Variants in PISD observed in about 807,000 individuals in gnomAD.
PISD encodes the protein phosphatidylserine decarboxylase, also known as phosphatidylserine decarboxylase proenzyme, mitochondrial.
Under a neutral mutation model 43.5 loss-of-function variants are expected in PISD, and 31 were observed. That is an observed-to-expected ratio of 0.71 (90% CI 0.54 to 0.96). The LOEUF (loss-of-function observed/expected upper bound fraction) is 0.96. Ranked by LOEUF, PISD falls within the 40% of genes least tolerant of loss-of-function variation. The probability of loss-of-function intolerance (pLI) is 0.00; values close to 1 mark genes in which losing one functional copy is unlikely to be tolerated. For synonymous variants in PISD, 259 were observed against 228.7 expected (o/e 1.13, Z -1.20); for missense variants, 523 against 548.4 (o/e 0.95, Z 0.46).
At chr22:31,639,513 C>T (rs1227971174) in intron 3 of PISD, among the ~76,000 whole-genome samples, 1 of 152,174 alleles carries the variant, frequency 6.6e-6, no homozygotes, top group Non-Finnish European at 1.5e-5. Context: ...CAGGCATGAG[C>T]CACCATGCCT....
At chr22:31,654,258 A>AT (rs1265211203) in intron 1 of PISD, among the ~76,000 whole-genome samples, 1 of 151,928 alleles carries the variant, frequency 6.6e-6, no homozygotes, top group African/African-American at 2.4e-5. Context: ...TGGGACCGTG[A>AT]TTTTTTTCCT....
intron 1 of PISD, among the ~76,000 whole-genome samples, chr22:31,652,350 C>A (rs894965312): frequency 4.0e-5 from 6 of 151,656 alleles, no homozygotes; most frequent in African/African-American, 1.2e-4. Flanking sequence ...AGGCTGGCCT[C>A]AAACTCCTGA....
intron 3 of PISD, among the ~76,000 whole-genome samples, chr22:31,643,655 A>T (rs951303099): frequency 1.1e-4 from 17 of 152,230 alleles, no homozygotes; most frequent in African/African-American, 3.4e-4. Flanking sequence ...CATGCCTGTA[A>T]TTCTAGCACT....
chr22:31,659,308 A>G (rs188432384), intron 1 of PISD, among the ~76,000 whole-genome samples: 1 of 152,318 alleles, frequency 6.6e-6, no homozygotes, highest in African/African-American at 2.4e-5. Flanking sequence ...ACAAGTATAT[A>G]GTAAAGTTCC....
intron 3 of PISD, chr22:31,629,136 C>A (rs922762366): frequency 1.2e-5 from 12 of 985,302 alleles, no homozygotes; most frequent in Non-Finnish European, 1.4e-5. Context: ...ACCTGCCCCC[C>A]CAGTGGAATG....
intron 3 of PISD, among the ~76,000 whole-genome samples, chr22:31,645,538 C>CTTT (rs1198668208): frequency 1.4e-5 from 2 of 138,914 alleles, no homozygotes; most frequent in Non-Finnish European, 3.1e-5. Context: ...AACCCTGTCT[C>CTTT]TTTTTTTTTT....
At chr22:31,659,898 G>A (rs1002946627) in intron 1 of PISD, among the ~76,000 whole-genome samples, 1 of 151,830 alleles carries the variant, frequency 6.6e-6, no homozygotes, top group Non-Finnish European at 1.5e-5. Context: ...TTTTTAATCA[G>A]CCAGCCTCCC....
At chr22:31,633,679 C>A (rs1478185386) in intron 3 of PISD, among the ~76,000 whole-genome samples, 11 of 152,140 alleles carry the variant, frequency 7.2e-5, no homozygotes, top group Non-Finnish European at 1.5e-5. Flanking sequence ...CGTACCATAG[C>A]ACTCCAGCCT....
At chr22:31,621,913 T>A (rs763902762) in intron 3 of PISD, 28 bp from the exon 4 acceptor site, 1 of 1,525,828 alleles carries the variant, frequency 6.6e-7, no homozygotes, top group African/African-American at 1.4e-5. Context: ...AGGGGCTGAG[T>A]TGACCACACT....
At chr22:31,628,002 C>A in intron 3 of PISD, 1 of 984,998 alleles carries the variant, frequency 1.0e-6, no homozygotes, top group Non-Finnish European at 1.2e-6. Flanking sequence ...GGGCACCGCA[C>A]CTGCCAGTGA....
chr22:31,659,052 C>A (rs2074252541), intron 1 of PISD, among the ~76,000 whole-genome samples: 1 of 152,040 alleles, frequency 6.6e-6, no homozygotes, highest in South Asian at 2.1e-4. Context: ...TGGGTTTTTG[C>A]CATGTTGCCC....
In PISD at chr22:31,639,489, A is replaced by G. The variant is rs527356346; in HGVS notation, c.321+8612T>C. Among the ~76,000 whole-genome samples, 8 of 152,198 alleles carry G rather than the reference A, an allele frequency of 5.3e-5. No individual in the cohort carries two copies. The South Asian group carries it at 1.5e-3, about 28-fold the overall frequency. On this transcript the variant is annotated intron_variant, in intron 3 of 7. Coordinates refer to ENST00000439502, the MANE Select transcript of PISD (RefSeq NM_001326411.2). ...GCAATCTTCCCACCTCAGCCTCCCA[A>G]AGTGTTGGGATCACAGGCATGAGCC... is the stretch of plus-strand genomic sequence containing the variant.
intron 3 of PISD, among the ~76,000 whole-genome samples, chr22:31,642,008 C>T (rs1019329130): frequency 2.0e-5 from 3 of 151,064 alleles, no homozygotes; most frequent in Non-Finnish European, 4.4e-5. Flanking sequence ...CAATCCTACA[C>T]GTAGGCTTTC....
chr22:31,634,826 CT>C (rs1186818683), intron 3 of PISD, among the ~76,000 whole-genome samples: 6 of 102,712 alleles, frequency 5.8e-5, no homozygotes, highest in Admixed American at 2.6e-4. Flanking sequence ...CAGAGCAAGA[CT>C]CCATCTCAAA....
At chr22:31,635,204 T>C (rs2073389710) in intron 3 of PISD, among the ~76,000 whole-genome samples, 1 of 142,188 alleles carries the variant, frequency 7.0e-6, no homozygotes, top group African/African-American at 2.6e-5. Flanking sequence ...TGCTTTTAGG[T>C]AGAGCCTCCT....
chr22:31,633,893 G>T (rs889207275), intron 3 of PISD, among the ~76,000 whole-genome samples: 2 of 152,182 alleles, frequency 1.3e-5, no homozygotes, highest in African/African-American at 4.8e-5. Context: ...AAAAAAAATT[G>T]TCTGGAAATT....
chr22:31,631,145 T>G (rs982549255), intron 3 of PISD, among the ~76,000 whole-genome samples: 2 of 152,166 alleles, frequency 1.3e-5, no homozygotes, highest in Non-Finnish European at 1.5e-5. Flanking sequence ...CTGTCTGTCC[T>G]CAGTCTGTCC....
intron 3 of PISD, among the ~76,000 whole-genome samples, chr22:31,638,042 C>T (rs1227639543): frequency 1.3e-5 from 2 of 152,252 alleles, no homozygotes; most frequent in East Asian, 3.9e-4. Context: ...TCCCCTCGGG[C>T]CAGGCCCTCT....
chr22:31,630,866 T>C lies in PISD; in HGVS notation c.322-8981A>G. 1.0e-6 allele frequency: 1 copy of C among 985,402 alleles called. No individual in the cohort carries two copies. Among genetic ancestry groups the C allele is most frequent in the Non-Finnish European group, 1.2e-6 (1 of 829,894 alleles). The allele number at this position is 985,402 out of a possible 1,614,324, so 61.0% of individuals were successfully genotyped here. On this transcript the variant is annotated intron_variant, in intron 3 of 7. Transcript: ENST00000439502. The surrounding 1 kb of genome is among the most constrained non-coding windows in gnomAD (Gnocchi z 4.4). ...GGGGCGCTCCCGGAGCCGGGAAGCC[T>C]TGGGGCGAGTGGGCGGGGCTCGGGC... is the stretch of plus-strand genomic sequence containing the variant.
Sources: gnomAD v4.1 joint callset for allele counts (sites outside exome capture counted in the v4.1 genomes callset) on GRCh38, gnomAD v4.1.1 for gene constraint, Gnocchi (gnomAD v3.1) non-coding constraint, MANE v1.5 for transcripts, NCBI Gene and HGNC (gene_info 2026-07-23, HGNC 2026-07-21) for gene names.